Variants in SYT2 observed in about 807,000 individuals in gnomAD.
The protein encoded by SYT2 is synaptotagmin 2, also known as synaptotagmin-2.
SYT2 carries 15 observed loss-of-function variants against 39.9 expected under a neutral mutation model. That is an observed-to-expected ratio of 0.38 (90% CI 0.25 to 0.58). The LOEUF (loss-of-function observed/expected upper bound fraction) is 0.58, where lower values mean the gene tolerates loss of function less well. Among genes scored for constraint, SYT2 ranks in the 20% least tolerant of loss-of-function variants. SYT2 has a pLI of 0.70. For synonymous variants in SYT2, 181 were observed against 204.5 expected, an observed-to-expected ratio of 0.89 and a Z score of 0.98; for missense variants, 389 against 530.3, an observed-to-expected ratio of 0.73 and a Z score of 2.62.
chr1:202,633,213 C>T (rs1691644227), intron 1 of SYT2, among the ~76,000 whole-genome samples: 1 of 152,032 alleles, frequency 6.6e-6, no homozygotes, highest in Admixed American at 6.5e-5. Flanking sequence ...TTTAAGTCAC[C>T]AAAATATGCT....
At chr1:202,653,394 C>T (rs573898855) in intron 1 of SYT2, among the ~76,000 whole-genome samples, 87 of 152,324 alleles carry the variant, frequency 5.7e-4, no homozygotes, top group African/African-American at 2.0e-3. Context: ...CATGTCACTA[C>T]GCACTGGCTG....
intron 1 of SYT2, among the ~76,000 whole-genome samples, chr1:202,655,285 C>A (rs921844470): frequency 2.0e-5 from 3 of 152,124 alleles, no homozygotes; most frequent in Non-Finnish European, 4.4e-5. Flanking sequence ...CCAGGACAGG[C>A]CTTGAGGAAG....
At chr1:202,612,959 G>A (rs1355858632) in intron 1 of SYT2, among the ~76,000 whole-genome samples, 1 of 148,732 alleles carries the variant, frequency 6.7e-6, no homozygotes, top group Non-Finnish European at 1.5e-5. Flanking sequence ...AAATGGAATT[G>A]TTTTCTTAAT....
intron 1 of SYT2, among the ~76,000 whole-genome samples, chr1:202,707,935 A>T (rs1654294397): frequency 6.6e-6 from 1 of 152,144 alleles, no homozygotes; most frequent in Admixed American, 6.5e-5. Context: ...GCCCTGTCAC[A>T]CCTGCCTGGA....
chr1:202,638,850 A>G (rs1391007134), intron 1 of SYT2, among the ~76,000 whole-genome samples: 2 of 152,150 alleles, frequency 1.3e-5, no homozygotes, highest in Non-Finnish European at 2.9e-5. Context: ...TTGTCAATGG[A>G]AGTGAGACCA....
chr1:202,614,090 T>C lies in SYT2; in HGVS notation c.-17-8301A>G, dbSNP rs113132282. 5.2e-3 allele frequency among the ~76,000 whole-genome samples: 790 copies of C among 152,296 alleles called. 6 individuals carry two copies. Among genetic ancestry groups the C allele is most frequent in the African/African-American group, 0.018 (758 of 41,556 alleles). On this transcript the variant is annotated intron_variant, in intron 1 of 8. Coordinates refer to ENST00000367268, the MANE Select transcript of SYT2 (RefSeq NM_177402.5). This position sits in a 1 kb window ranked among gnomAD's most constrained non-coding sequence, Gnocchi z 4.0. Reference sequence around the variant, plus strand: ...CCGTAGAGGGACCCAAGGTTCATGGTGGATGCAGGCCTTCTCTCCAGACTG... The same window carrying C: ...CCGTAGAGGGACCCAAGGTTCATGGCGGATGCAGGCCTTCTCTCCAGACTG...
intron 1 of SYT2, among the ~76,000 whole-genome samples, chr1:202,645,698 T>C (rs1403809719): frequency 1.3e-5 from 2 of 152,230 alleles, no homozygotes; most frequent in Admixed American, 6.5e-5. Flanking sequence ...AATACTGTGT[T>C]TAATGTCTAT....
At chr1:202,677,546 C>A (rs945769010) in intron 1 of SYT2, among the ~76,000 whole-genome samples, 2 of 152,174 alleles carry the variant, frequency 1.3e-5, no homozygotes, top group East Asian at 3.8e-4. Context: ...TGATGGCCAG[C>A]CCCAACTCGC....
At chr1:202,642,443 C>G (rs562206419) in intron 1 of SYT2, among the ~76,000 whole-genome samples, 1 of 152,062 alleles carries the variant, frequency 6.6e-6, no homozygotes, top group Non-Finnish European at 1.5e-5. Context: ...AGTAGCTTGT[C>G]CAAGGTCACA....
intron 1 of SYT2, among the ~76,000 whole-genome samples, chr1:202,701,897 A>G (rs139409622): frequency 9.1e-4 from 138 of 152,274 alleles, no homozygotes; most frequent in African/African-American, 3.2e-3. Flanking sequence ...AGTTTAAGTA[A>G]CTTGCCCAGG....
intron 1 of SYT2, among the ~76,000 whole-genome samples, chr1:202,678,884 C>A (rs1015326295): frequency 5.9e-5 from 9 of 152,128 alleles, no homozygotes; most frequent in Admixed American, 4.6e-4. Context: ...CCACCCCCCA[C>A]CCAACTACTG....
In SYT2 at chr1:202,640,784, GAGAGAGAGACAGAC is replaced by G. The variant is rs1558443958; in HGVS notation, c.-17-35009_-17-34996del. Among the ~76,000 whole-genome samples, 480 of 128,206 alleles carry G rather than the reference GAGAGAGAGACAGAC, an allele frequency of 3.7e-3. 1 individual carries two copies. The highest frequency in any genetic ancestry group is 3.4e-3 in the Non-Finnish European group (213 of 62,292). The allele number at this position is 128,206 out of a possible 152,430, so 84.1% of individuals were successfully genotyped here. Reference sequence around the variant, plus strand: ...AGAGAGAGAGAGAGAGAGAGAGAGAGAGAGAGAGACAGACAGACAGAGAGACAGAGAGACAGTGA... The same window carrying G: ...AGAGAGAGAGAGAGAGAGAGAGAGAGAGACAGAGAGACAGAGAGACAGTGA... On this transcript the variant is annotated intron_variant, in intron 1 of 8. Coordinates refer to ENST00000367268, the MANE Select transcript of SYT2 (RefSeq NM_177402.5).
chr1:202,686,370 G>A (rs1438890590), intron 1 of SYT2, among the ~76,000 whole-genome samples: 1 of 152,194 alleles, frequency 6.6e-6, no homozygotes, highest in Non-Finnish European at 1.5e-5. Context: ...AGTCCTTGCT[G>A]TCACCTTCTT....
chr1:202,696,806 G>C (rs1232481607), intron 1 of SYT2, among the ~76,000 whole-genome samples: 1 of 152,092 alleles, frequency 6.6e-6, no homozygotes, highest in East Asian at 1.9e-4. Context: ...ACAGAACTTT[G>C]GACAAAAAAA....
chr1:202,598,568 A>C (rs956404632), intron 8 of SYT2, among the ~76,000 whole-genome samples: 56 of 139,556 alleles, frequency 4.0e-4, no homozygotes, highest in African/African-American at 1.4e-3. Context: ...AGAAGGAGAG[A>C]CCAAGACTCC....
intron 1 of SYT2, among the ~76,000 whole-genome samples, chr1:202,684,736 C>T (rs1653618875): frequency 6.6e-6 from 1 of 152,100 alleles, no homozygotes; most frequent in Non-Finnish European, 1.5e-5. Flanking sequence ...GAGTTACTTC[C>T]TTTGGCCCCT....
intron 1 of SYT2, among the ~76,000 whole-genome samples, chr1:202,658,666 T>C (rs1272348468): frequency 7.8e-6 from 1 of 127,710 alleles, no homozygotes; most frequent in African/African-American, 2.6e-5. Context: ...GGTCGGATTT[T>C]TTTTATTAGT....
chr1:202,615,970 C>T (rs1385582026), intron 1 of SYT2, among the ~76,000 whole-genome samples: 1 of 152,172 alleles, frequency 6.6e-6, no homozygotes, highest in Non-Finnish European at 1.5e-5. Flanking sequence ...CAGCTTTCTC[C>T]TTCTCCATGG....
At chr1:202,652,926 C>T (rs1692218088) in intron 1 of SYT2, among the ~76,000 whole-genome samples, 1 of 152,120 alleles carries the variant, frequency 6.6e-6, no homozygotes, top group Admixed American at 6.5e-5. Flanking sequence ...CCTGAGTTGG[C>T]CTTTGATGCA....
Sources: gnomAD v4.1 joint callset for allele counts (sites outside exome capture counted in the v4.1 genomes callset) on GRCh38, gnomAD v4.1.1 for gene constraint, Gnocchi (gnomAD v3.1) non-coding constraint, MANE v1.5 for transcripts, NCBI Gene and HGNC (gene_info 2026-07-23, HGNC 2026-07-21) for gene names.